Variants in SOD2 observed in about 807,000 individuals in gnomAD.
SOD2 encodes superoxide dismutase [Mn], mitochondrial.
In SOD2, 11 loss-of-function variants were observed where a neutral mutation model predicts 27.0. That is an observed-to-expected ratio of 0.41 (90% CI 0.26 to 0.67). The LOEUF (loss-of-function observed/expected upper bound fraction) is 0.67, where lower values mean the gene tolerates loss of function less well. Ranked by LOEUF, SOD2 falls within the 30% of genes least tolerant of loss-of-function variation. The probability of loss-of-function intolerance (pLI) is 0.34; values close to 1 mark genes in which losing one functional copy is unlikely to be tolerated. For synonymous variants in SOD2, 105 were observed against 103.0 expected, an observed-to-expected ratio of 1.02 and a Z score of -0.12; for missense variants, 250 against 274.5, an observed-to-expected ratio of 0.91 and a Z score of 0.63.
intron 2 of SOD2, chr6:159,692,412 A>C (rs1057475766): frequency 4.3e-6 from 6 of 1,393,950 alleles, no homozygotes; most frequent in Non-Finnish European, 5.6e-6. Flanking sequence ...TCACAACAGT[A>C]AGGCAAGCTC....
chr6:159,727,052 A>T (rs1583053468), intron 1 of SOD2: 2 of 1,217,020 alleles, frequency 1.6e-6, no homozygotes, highest in Non-Finnish European at 2.1e-6. Flanking sequence ...GAGTACTTCC[A>T]CCTTCCCTTC....
intron 1 of SOD2, among the ~76,000 whole-genome samples, chr6:159,711,745 ACATT>A (rs1777779175): frequency 9.8e-6 from 1 of 101,938 alleles, no homozygotes; most frequent in Non-Finnish European, 2.0e-5. Context: ...ACCACCACTC[ACATT>A]GCTCTGATCA....
intron 1 of SOD2, among the ~76,000 whole-genome samples, chr6:159,706,981 A>G (rs1490273621): frequency 6.6e-6 from 1 of 152,154 alleles, no homozygotes; most frequent in Non-Finnish European, 1.5e-5. Flanking sequence ...AAACCACTCA[A>G]CTTCATGGAA....
intron 1 of SOD2, among the ~76,000 whole-genome samples, chr6:159,706,710 G>A (rs1428280370): frequency 2.6e-5 from 4 of 152,008 alleles, no homozygotes; most frequent in African/African-American, 4.8e-5. Flanking sequence ...ACAGATCAAC[G>A]AGACAGAAAG....
chr6:159,698,071 G>C (rs558932610), upstream of SOD2, among the ~76,000 whole-genome samples: 2 of 152,174 alleles, frequency 1.3e-5, no homozygotes, highest in Non-Finnish European at 2.9e-5. Flanking sequence ...TCAGGAATTG[G>C]AGACCAGCCT....
rs1777253164 is a variant in SOD2, at chr6:159,692,429, A to T, written c.226+232T>A. The T allele has an allele frequency of 2.1e-6, 3 of 1,402,394 alleles. No individual in the cohort carries two copies. The East Asian group carries it at 8.2e-5, about 38-fold the overall frequency. 86.9% of individuals were successfully genotyped at this position (1,402,394 alleles called of 1,614,324 possible). ...ACAACAGTAAGGCAAGCTCCTTCGC[A>T]GGACCCCAAGTTCCCTGAGATGACA... On this transcript the variant is annotated intron_variant, in intron 2 of 4. Coordinates refer to ENST00000538183, the MANE Select transcript of SOD2 (RefSeq NM_000636.4).
rs767840577 is a variant in SOD2 at position 159,726,817 on chromosome 6, G to A, written c.-116+312C>T. 7.8e-6 allele frequency: 10 copies of A among 1,289,220 alleles called. No individual in the cohort carries two copies. The South Asian group carries it at 9.9e-5, about 13-fold the overall frequency. 79.9% of individuals were successfully genotyped at this position (1,289,220 alleles called of 1,614,324 possible). A position where few individuals can be genotyped will look rare whatever the true frequency, so the allele number is the denominator to read the frequency against. ...AGACTGCGCCTCACGACTGATGAGA[G>A]GGAAGGCATCGGTTTCTAAGTTCTC... On this transcript the variant is annotated intron_variant, in intron 1 of 2. Transcript: ENST00000401980.
intron 2 of SOD2, among the ~76,000 whole-genome samples, chr6:159,690,235 C>G (rs922847198): frequency 6.9e-6 from 1 of 144,780 alleles, no homozygotes; most frequent in East Asian, 2.0e-4. Flanking sequence ...TGTAGTGAGC[C>G]GAGATCACAT....
At chr6:159,699,753 C>A (rs1312762272) in intron 1 of SOD2, among the ~76,000 whole-genome samples, 2 of 152,138 alleles carry the variant, frequency 1.3e-5, no homozygotes, top group Non-Finnish European at 2.9e-5. Flanking sequence ...GGGCTGTGAG[C>A]AAGCATAAGG....
At chr6:159,700,607 T>G (rs753467123) in intron 1 of SOD2, among the ~76,000 whole-genome samples, 1 of 149,370 alleles carries the variant, frequency 6.7e-6, no homozygotes, top group Non-Finnish European at 1.5e-5. Flanking sequence ...TAAGCCAAGA[T>G]TGCGTCACTG....
At chr6:159,712,334 C>CTAACCACCTCCA (rs1777820596) in intron 1 of SOD2, among the ~76,000 whole-genome samples, 1 of 98,986 alleles carries the variant, frequency 1.0e-5, no homozygotes, top group Admixed American at 1.0e-4. Context: ...TCTGATCACC[C>CTAACCACCTCCA]TAACCACCTC....
intron 1 of SOD2, chr6:159,726,253 A>AT (rs760517234): frequency 2.6e-5 from 4 of 152,446 alleles, no homozygotes; most frequent in Non-Finnish European, 5.9e-5. Context: ...CCATTACGGT[A>AT]TTTTTTCTGA....
chr6:159,707,581 T>C (rs1025287647), intron 1 of SOD2, among the ~76,000 whole-genome samples: 2 of 152,026 alleles, frequency 1.3e-5, no homozygotes, highest in Admixed American at 1.3e-4. Context: ...AAGTTGAATC[T>C]CTGAATAGAC....
chr6:159,704,024 G>A (rs1168161982), intron 1 of SOD2, among the ~76,000 whole-genome samples: 2 of 152,144 alleles, frequency 1.3e-5, no homozygotes, highest in African/African-American at 4.8e-5. Flanking sequence ...GGTGGCTCAC[G>A]CCTGTAATCC....
chr6:159,688,580 T>A (rs901857820), intron 2 of SOD2, among the ~76,000 whole-genome samples: 2 of 152,194 alleles, frequency 1.3e-5, no homozygotes, highest in African/African-American at 4.8e-5. Flanking sequence ...ACATACAGAC[T>A]GTACAGAAAA....
At position 159,676,522 on chromosome 6, in the gene SOD2, TCA is replaced by T. The variant is rs1352307163; in HGVS notation, c.*5969_*5970del. On this transcript the variant is annotated 3_prime_UTR_variant, in exon 5 of 5. Transcript: ENST00000538183. ...ACAAAAAAACAAACACCGCATGTTCTCACTCATAGATGGGAATTGAACAATGA... is the reference window on the plus strand; with the variant it reads ...ACAAAAAAACAAACACCGCATGTTCTCTCATAGATGGGAATTGAACAATGA... 2 of 151,876 alleles carry T rather than the reference TCA, an allele frequency of 1.3e-5. No homozygotes were observed. The allele number at this position is 151,876 out of a possible 1,614,324, so 9.4% of individuals were successfully genotyped here. A position where few individuals can be genotyped will look rare whatever the true frequency, so the allele number is the denominator to read the frequency against.
chr6:159,679,259 G>A lies in SOD2; in HGVS notation c.*3234C>T, dbSNP rs1168410691. ...TGTACCAGGCTTGATGCACATCTTA[G>A]AAGACAGGACATTATCTTGCTGGGA... On this transcript the variant is annotated 3_prime_UTR_variant, in exon 5 of 5. Coordinates refer to ENST00000538183, the MANE Select transcript of SOD2 (RefSeq NM_000636.4). 4 of 152,186 alleles carry A rather than the reference G, an allele frequency of 2.6e-5. No individual in the cohort carries two copies. The highest frequency in any genetic ancestry group is 9.6e-5 in the African/African-American group (4 of 41,456). The allele number at this position is 152,186 out of a possible 1,614,324, so 9.4% of individuals were successfully genotyped here. A position where few individuals can be genotyped will look rare whatever the true frequency, so the allele number is the denominator to read the frequency against.
At chr6:159,734,539 T>A (rs1311803213) in intron 1 of SOD2, among the ~76,000 whole-genome samples, 1 of 152,086 alleles carries the variant, frequency 6.6e-6, no homozygotes, top group Non-Finnish European at 1.5e-5. Flanking sequence ...GGGCTGGGCG[T>A]GATCCTTCCA....
upstream of SOD2, chr6:159,727,675 T>TG (rs1778277842): frequency 1.0e-6 from 1 of 984,094 alleles, no homozygotes; most frequent in Non-Finnish European, 1.2e-6. Flanking sequence ...ATGCGACCGG[T>TG]GGCGCCGGCG....
Sources: allele counts gnomAD v4.1 joint callset (sites outside exome capture counted in the v4.1 genomes callset), GRCh38; gene constraint gnomAD v4.1.1; transcripts MANE v1.5; gene names NCBI Gene and HGNC (gene_info 2026-07-23, HGNC 2026-07-21).